PISD: variants seen among roughly 807,000 people sequenced by gnomAD.
PISD encodes phosphatidylserine decarboxylase, also known as phosphatidylserine decarboxylase proenzyme, mitochondrial.
PISD carries 31 observed loss-of-function variants against 43.5 expected under a neutral mutation model. The observed-to-expected ratio is 0.71, with a 90% CI of 0.54 to 0.96. The LOEUF (loss-of-function observed/expected upper bound fraction) is 0.96. Among genes scored for constraint, PISD ranks in the 40% least tolerant of loss-of-function variants. PISD has a pLI of 0.00. For missense variants in PISD, 523 were observed against 548.4 expected (o/e 0.95, Z 0.46); for synonymous variants, 259 against 228.7 (o/e 1.13, Z -1.20).
chr22:31,634,489 C>T (rs1207932113), intron 3 of PISD, among the ~76,000 whole-genome samples: 1 of 152,230 alleles, frequency 6.6e-6, no homozygotes, highest in Admixed American at 6.5e-5. Context: ...ACCAGCAGCT[C>T]CCCAAGGGCC....
intron 3 of PISD, among the ~76,000 whole-genome samples, chr22:31,627,236 G>C (rs1257732615): frequency 6.6e-6 from 1 of 152,224 alleles, no homozygotes; most frequent in Non-Finnish European, 1.5e-5. Flanking sequence ...TGAGTGACGG[G>C]GACAGCTCAC....
At chr22:31,661,584 A>T (rs1808385953) in intron 1 of PISD, among the ~76,000 whole-genome samples, 1 of 152,126 alleles carries the variant, frequency 6.6e-6, no homozygotes, top group Non-Finnish European at 1.5e-5. Flanking sequence ...CAATCTCATT[A>T]ACTCCAAAGA....
intron 3 of PISD, chr22:31,629,615 G>T: frequency 6.7e-6 from 1 of 148,302 alleles, no homozygotes; most frequent in Non-Finnish European, 1.5e-5. Flanking sequence ...GTAGGTGAGG[G>T]GGTGTGTGTA....
intron 1 of PISD, among the ~76,000 whole-genome samples, chr22:31,657,389 C>G (rs375604048): frequency 6.6e-6 from 1 of 152,322 alleles, no homozygotes; most frequent in South Asian, 2.1e-4. Context: ...CCCGCCTCAG[C>G]CTCCCAAAGT....
chr22:31,630,175 G>A lies in PISD; in HGVS notation c.322-8290C>T, dbSNP rs1228121922. ...TGGGCGACATGGACCAGAGTCAGTG[G>A]CAGGCAGCCCAGGAGGCCCTGGGAA... On this transcript the variant is annotated intron_variant, in intron 3 of 7. Coordinates refer to ENST00000439502, the MANE Select transcript of PISD (RefSeq NM_001326411.2). The surrounding 1 kb of genome is among the most constrained non-coding windows in gnomAD (Gnocchi z 4.4). Among the ~76,000 whole-genome samples, 2 of 152,062 alleles carry A rather than the reference G, an allele frequency of 1.3e-5. No individual in the cohort carries two copies. Among genetic ancestry groups the A allele is most frequent in the East Asian group, 1.9e-4 (1 of 5,176 alleles).
At chr22:31,628,844 A>G (rs548516016) in intron 3 of PISD, 8 of 985,466 alleles carry the variant, frequency 8.1e-6, no homozygotes, top group East Asian at 1.1e-4. Flanking sequence ...CTGGCTTCCA[A>G]CACCTCACCT....
intron 3 of PISD, among the ~76,000 whole-genome samples, chr22:31,627,584 A>G (rs545324590): frequency 2.0e-5 from 3 of 152,332 alleles, no homozygotes; most frequent in Admixed American, 1.3e-4. Flanking sequence ...TCCCTGGTCT[A>G]TAGAGTGCAG....
chr22:31,620,628 GT>G lies in PISD; in HGVS notation c.929del (p.Asp310AlafsTer9). 1 of 1,614,208 alleles carries G rather than the reference GT, an allele frequency of 6.2e-7. No homozygotes were observed. Among genetic ancestry groups the G allele is most frequent in the Non-Finnish European group, 8.5e-7 (1 of 1,180,034 alleles). ...CHNERVVLTG[D>X]WKHGFFSLTA... The stretch of plus-strand genomic sequence containing the variant: ...TCAGTGAGAAGAAGCCATGTTTCCA[GT>G]CCCCCGTCAGGACCACCCGCTCGTT... On this transcript the variant is annotated frameshift_variant, in exon 7 of 8. Coordinates refer to ENST00000439502, the MANE Select transcript of PISD (RefSeq NM_001326411.2). LOFTEE classifies it high-confidence loss of function.
At chr22:31,638,569 G>A (rs993263484) in intron 3 of PISD, 44 of 984,998 alleles carry the variant, frequency 4.5e-5, no homozygotes, top group African/African-American at 7.0e-5. Context: ...AAGGACACCC[G>A]CAGGCCACTC....
intron 3 of PISD, among the ~76,000 whole-genome samples, chr22:31,628,396 A>G (rs1474477948): frequency 6.6e-6 from 1 of 152,196 alleles, no homozygotes; most frequent in Non-Finnish European, 1.5e-5. Flanking sequence ...AGGTGACACG[A>G]GGTGGGAGCC....
In PISD at chr22:31,621,821, A is replaced by C; in HGVS notation, c.386T>G (p.Val129Gly). 1 of 1,613,342 alleles carries C rather than the reference A, an allele frequency of 6.2e-7. No homozygotes were observed. The highest frequency in any genetic ancestry group is 8.5e-7 in the Non-Finnish European group (1 of 1,180,014). ...LSRAWGRLNQ[V>G]ELPHWLRRPV... ...CCTGCGCAGCCAGTGTGGCAGCTCC[A>C]CCTGATTGAGGCGACCCCAGGCCCG... Residue 129 changes from valine to glycine, a missense_variant, in exon 4 of 8, where the codon GTG becomes GGG. Val to Gly is a moderately radical substitution (Grantham distance 109). Transcript: ENST00000439502.
rs987923749 is a variant in PISD at position 31,621,353 on chromosome 22, C to G, written c.678G>C (p.Glu226Asp). 8 of 1,613,968 alleles carry G rather than the reference C, an allele frequency of 5.0e-6. No individual in the cohort carries two copies. In the African/African-American group the frequency reaches 8.0e-5, roughly 16 times the overall value. ...ESFLGPRMCT[E>D]DLPFPPAASC... is the part of the protein sequence containing the mutation. Reference sequence around the variant, plus strand: ...ACCCACCTGGTGGGAAGGGCAGGTCCTCTGTGCACATACGCGGGCCCAGGA... The same window carrying G: ...ACCCACCTGGTGGGAAGGGCAGGTCGTCTGTGCACATACGCGGGCCCAGGA... The change falls in exon 5 of 8, where the codon GAG becomes GAC. Residue 226 changes from glutamate to aspartate, a missense_variant. Coordinates refer to ENST00000439502, the MANE Select transcript of PISD (RefSeq NM_001326411.2).
At chr22:31,658,581 A>G (rs1350282598) in intron 1 of PISD, among the ~76,000 whole-genome samples, 1 of 152,006 alleles carries the variant, frequency 6.6e-6, no homozygotes, top group Non-Finnish European at 1.5e-5. Flanking sequence ...ACAGGGTCTC[A>G]CTCTGTCACC....
Position 31,648,157 on chromosome 22 carries a change from G to C in PISD, c.265C>G (p.Arg89Gly), listed in dbSNP as rs376411569. 2.5e-6 allele frequency: 4 copies of C among 1,612,250 alleles called. No individual in the cohort carries two copies. The highest frequency in any genetic ancestry group is 3.4e-6 in the Non-Finnish European group (4 of 1,179,722). ...GYRQYEKYRERELEKLGLEIP... is the reference protein window; with the variant it reads ...GYRQYEKYREGELEKLGLEIP... ...TCCAATCCCAGCTTCTCCAGCTCTC[G>C]CTCCCTGTACTTCTCATACTGCCGG... Residue 89 changes from arginine (R) to glycine (G), a missense_variant, in exon 3 of 8, where the codon CGA becomes GGA. By Grantham distance (125) the Arg-to-Gly change is moderately radical (BLOSUM62 -2). Transcript: ENST00000439502.
intron 3 of PISD, among the ~76,000 whole-genome samples, chr22:31,624,525 G>A (rs1355030254): frequency 6.6e-6 from 1 of 151,914 alleles, no homozygotes; most frequent in African/African-American, 2.4e-5. Flanking sequence ...CACAGCTACG[G>A]CTCCATCCAT....
intron 3 of PISD, among the ~76,000 whole-genome samples, chr22:31,640,865 G>C (rs2147756294): frequency 7.8e-6 from 1 of 127,816 alleles, no homozygotes; most frequent in East Asian, 2.3e-4. Flanking sequence ...ACAGGCATGA[G>C]CCACCACACC....
At position 31,621,635 on chromosome 22, in the gene PISD, G is replaced by A. The variant is rs759761758; in HGVS notation, c.558+14C>T. The stretch of plus-strand genomic sequence containing the variant: ...AAGTCCTGTTTCCTGCAGGAGGAAA[G>A]GGTCAGGCCTCACCACGCTGTGCAG... On this transcript the variant is annotated intron_variant, in intron 4 of 7. Coordinates refer to ENST00000439502, the MANE Select transcript of PISD (RefSeq NM_001326411.2). 2.5e-6 allele frequency: 4 copies of A among 1,609,894 alleles called. No individual in the cohort carries two copies. Among genetic ancestry groups the A allele is most frequent in the Non-Finnish European group, 3.4e-6 (4 of 1,177,054 alleles).
At chr22:31,625,785 G>GTCCTTGCC in intron 3 of PISD, 2 of 1,597,902 alleles carry the variant, frequency 1.3e-6, no homozygotes, top group Non-Finnish European at 1.7e-6. Flanking sequence ...CGGAGCTCTG[G>GTCCTTGCC]TCCTTGCCGC....
chr22:31,625,541 C>A (rs967711159), intron 3 of PISD: 2 of 593,962 alleles, frequency 3.4e-6, no homozygotes, highest in Non-Finnish European at 6.0e-6. Flanking sequence ...CTGGCAGCCT[C>A]CCCCTGCTGG....
Sources: gnomAD v4.1 joint callset for allele counts (sites outside exome capture counted in the v4.1 genomes callset) on GRCh38, gnomAD v4.1.1 for gene constraint, Gnocchi (gnomAD v3.1) non-coding constraint, MANE v1.5 for transcripts, NCBI Gene and HGNC (gene_info 2026-07-23, HGNC 2026-07-21) for gene names.